B3GLCT: variants seen among roughly 807,000 people sequenced by gnomAD.
B3GLCT encodes beta-1,3-glucosyltransferase.
In B3GLCT, 65 loss-of-function variants were observed where a neutral mutation model predicts 63.4. That is an observed-to-expected ratio of 1.03 (90% CI 0.84 to 1.26). The LOEUF (loss-of-function observed/expected upper bound fraction) is 1.26, where lower values mean the gene tolerates loss of function less well. Ranked by LOEUF, B3GLCT falls within the 50% of genes most tolerant of loss-of-function variation. The probability of loss-of-function intolerance (pLI) is 0.00; values close to 1 mark genes in which losing one functional copy is unlikely to be tolerated. For missense variants in B3GLCT, 577 were observed against 604.8 expected (o/e 0.95, Z 0.48); for synonymous variants, 233 against 219.2 (o/e 1.06, Z -0.55).
intron 3 of B3GLCT, among the ~76,000 whole-genome samples, chr13:31,227,476 A>G (rs2137767650): frequency 6.6e-6 from 1 of 152,358 alleles, no homozygotes; most frequent in East Asian, 1.9e-4. Flanking sequence ...GAAGACACCC[A>G]TTTAAGTCTT....
At chr13:31,226,980 A>G (rs1196654784) in intron 3 of B3GLCT, among the ~76,000 whole-genome samples, 1 of 152,146 alleles carries the variant, frequency 6.6e-6, no homozygotes, top group Non-Finnish European at 1.5e-5. Flanking sequence ...TTCACATGCT[A>G]TGTGTGTATA....
At chr13:31,223,099 G>T in intron 3 of B3GLCT, 108 bp downstream of exon 3, 5 of 787,726 alleles carry the variant, frequency 6.3e-6, no homozygotes, top group Non-Finnish European at 1.1e-5. Flanking sequence ...GGTAAATATT[G>T]TTGTTCAAAT....
intron 4 of B3GLCT, among the ~76,000 whole-genome samples, chr13:31,230,644 G>A (rs1870330364): frequency 2.0e-5 from 3 of 152,210 alleles, no homozygotes; most frequent in African/African-American, 7.2e-5. Flanking sequence ...TTTCTCAAGG[G>A]AGAGGAAAGT....
Position 31,329,774 on chromosome 13 carries a change from G to A in B3GLCT, c.*106G>A. 1 of 1,289,948 alleles carries A rather than the reference G, an allele frequency of 7.8e-7. No individual in the cohort carries two copies. Among genetic ancestry groups the A allele is most frequent in the Non-Finnish European group, 1.1e-6 (1 of 902,964 alleles). 79.9% of individuals were successfully genotyped at this position (1,289,948 alleles called of 1,614,324 possible). A position where few individuals can be genotyped will look rare whatever the true frequency, so the allele number is the denominator to read the frequency against. The stretch of plus-strand genomic sequence containing the variant: ...CACTTGTGTCTGCCACATGGCATTG[G>A]GTGCTTCCTGACTTTAGGGGGAGAT... On this transcript the variant is annotated 3_prime_UTR_variant, in exon 15 of 15. Coordinates refer to ENST00000343307, the MANE Select transcript of B3GLCT (RefSeq NM_194318.4).
At chr13:31,209,952 G>C (rs187808807) in intron 1 of B3GLCT, among the ~76,000 whole-genome samples, 1 of 152,318 alleles carries the variant, frequency 6.6e-6, no homozygotes, top group Non-Finnish European at 1.5e-5. Context: ...TCTTTCCTGC[G>C]TGGGAATGGG....
chr13:31,328,692 CAA>C (rs34729471), intron 14 of B3GLCT, among the ~76,000 whole-genome samples: 287 of 45,376 alleles, frequency 6.3e-3, no homozygotes, highest in African/African-American at 0.027. Flanking sequence ...AACTCCATCT[CAA>C]AAAAAAAAAA....
chr13:31,211,377 C>T (rs140567115), intron 1 of B3GLCT, among the ~76,000 whole-genome samples: 2,680 of 152,220 alleles, frequency 0.018, 85 homozygotes, highest in African/African-American at 0.062. Context: ...CTCTGGGCAA[C>T]AGAGTGAGAC....
chr13:31,296,134 G>A (rs1322630634), intron 12 of B3GLCT, among the ~76,000 whole-genome samples: 1 of 152,142 alleles, frequency 6.6e-6, no homozygotes, highest in African/African-American at 2.4e-5. Context: ...GCCCTCTGTG[G>A]GCTCCACCCA....
chr13:31,310,815 G>A (rs1189125509), intron 12 of B3GLCT, among the ~76,000 whole-genome samples: 6 of 152,232 alleles, frequency 3.9e-5, no homozygotes, highest in Non-Finnish European at 4.4e-5. Context: ...CAAGTTTTCA[G>A]GCTCTGCTGC....
chr13:31,259,821 T>C (rs1246874109), intron 6 of B3GLCT, among the ~76,000 whole-genome samples: 1 of 151,948 alleles, frequency 6.6e-6, no homozygotes, highest in Non-Finnish European at 1.5e-5. Context: ...CTTTGTTGTT[T>C]TCTGTTTTTT....
chr13:31,204,842 G>C (rs1868864639), intron 1 of B3GLCT, among the ~76,000 whole-genome samples: 1 of 152,078 alleles, frequency 6.6e-6, no homozygotes, highest in South Asian at 2.1e-4. Flanking sequence ...GAGAAAGGGT[G>C]GGGGAAAGGA....
intron 13 of B3GLCT, among the ~76,000 whole-genome samples, chr13:31,321,362 C>T (rs568364663): frequency 6.6e-6 from 1 of 152,192 alleles, no homozygotes; most frequent in African/African-American, 2.4e-5. Flanking sequence ...AACCAATATG[C>T]CTTTTAACAG....
intron 1 of B3GLCT, among the ~76,000 whole-genome samples, chr13:31,213,364 C>T (rs187471121): frequency 5.1e-4 from 78 of 152,172 alleles, no homozygotes; most frequent in African/African-American, 1.5e-3. Context: ...CTGAGTTGGG[C>T]GGCTTGCCTG....
chr13:31,326,929 A>T (rs1875654239), intron 14 of B3GLCT, among the ~76,000 whole-genome samples: 1 of 152,196 alleles, frequency 6.6e-6, no homozygotes, highest in Non-Finnish European at 1.5e-5. Context: ...GCATTAATAG[A>T]GTGGAAAATG....
chr13:31,201,460 G>A (rs1484860133), intron 1 of B3GLCT, among the ~76,000 whole-genome samples: 3 of 152,176 alleles, frequency 2.0e-5, no homozygotes, highest in Non-Finnish European at 4.4e-5. Context: ...CTTGGGGAGC[G>A]ACTGAATTTG....
chr13:31,272,218 CTTT>C (rs11433454), intron 8 of B3GLCT, among the ~76,000 whole-genome samples: 4 of 136,240 alleles, frequency 2.9e-5, no homozygotes, highest in Non-Finnish European at 3.1e-5. Flanking sequence ...TCTATTTTTC[CTTT>C]TTTTTTTTTT....
chr13:31,300,825 GA>G (rs1874186582), intron 12 of B3GLCT, among the ~76,000 whole-genome samples: 1 of 152,146 alleles, frequency 6.6e-6, no homozygotes, highest in African/African-American at 2.4e-5. Flanking sequence ...AGCAGTAAGG[GA>G]TGATAAAAAA....
At chr13:31,314,421 G>A (rs1315826830) in intron 12 of B3GLCT, among the ~76,000 whole-genome samples, 1 of 152,218 alleles carries the variant, frequency 6.6e-6, no homozygotes, top group African/African-American at 2.4e-5. Context: ...TCTTGCATCA[G>A]TGTTACCTGG....
At chr13:31,283,928 A>C (rs2137876069) in intron 10 of B3GLCT, among the ~76,000 whole-genome samples, 1 of 152,314 alleles carries the variant, frequency 6.6e-6, no homozygotes, top group South Asian at 2.1e-4. Context: ...TTGTTTTTTA[A>C]GTATAGAAGA....
Sources: gnomAD v4.1 joint callset for allele counts (sites outside exome capture counted in the v4.1 genomes callset) on GRCh38, gnomAD v4.1.1 for gene constraint, MANE v1.5 for transcripts, NCBI Gene and HGNC (gene_info 2026-07-23, HGNC 2026-07-21) for gene names.